Variants in HERC1 observed in about 807,000 individuals in gnomAD.
HERC1 encodes HECT and RLD domain containing E3 ubiquitin protein ligase family member 1, also known as probable E3 ubiquitin-protein ligase HERC1.
In HERC1, 160 loss-of-function variants were observed where a neutral mutation model predicts 554.3. That is an observed-to-expected ratio of 0.29 (90% CI 0.25 to 0.33). HERC1 has a LOEUF of 0.33. Among genes scored for constraint, HERC1 ranks in the 10% least tolerant of loss-of-function variants. The probability of loss-of-function intolerance (pLI) is 1.00; values close to 1 mark genes in which losing one functional copy is unlikely to be tolerated. For missense variants in HERC1, 4,919 were observed against 5,918.5 expected, an observed-to-expected ratio of 0.83 and a Z score of 5.54; for synonymous variants, 2,175 against 2,131.7, an observed-to-expected ratio of 1.02 and a Z score of -0.56.
chr15:63,681,694 T>C (rs1461638447), intron 34 of HERC1, among the ~76,000 whole-genome samples: 1 of 152,312 alleles, frequency 6.6e-6, no homozygotes, highest in Non-Finnish European at 1.5e-5. Context: ...TCTGGGAGTA[T>C]GAAATGTTGG....
chr15:63,828,063 G>T (rs2078002778), intron 1 of HERC1, among the ~76,000 whole-genome samples: 1 of 152,180 alleles, frequency 6.6e-6, no homozygotes, highest in African/African-American at 2.4e-5. Context: ...GCACCATCTT[G>T]TGAATATACT....
At chr15:63,609,602 C>T (rs1029118610) in intron 77 of HERC1, among the ~76,000 whole-genome samples, 1 of 152,208 alleles carries the variant, frequency 6.6e-6, no homozygotes, top group Non-Finnish European at 1.5e-5. Context: ...GGCACCTGTC[C>T]TTCATACCCA....
intron 32 of HERC1, 35 bp downstream of exon 32, chr15:63,690,506 G>A: frequency 7.1e-7 from 1 of 1,414,958 alleles, no homozygotes; most frequent in Non-Finnish European, 9.9e-7. Flanking sequence ...TTGCAAATAT[G>A]GAAAACATCT....
Position 63,624,308 on chromosome 15 carries a change from T to C in HERC1, c.13295A>G (p.Asn4432Ser), listed in dbSNP as rs200325012. ...PNNQNSTSHY[N>S]AGTWGIVQGQ... ...CTGTACAATGCCCCAAGTTCCAGCA[T>C]TATAATGGGATGTGCTGTTCTGTAA... Residue 4432 changes from asparagine (N) to serine (S), a missense_variant, in exon 72 of 78, where the codon AAT becomes AGT. By Grantham distance (46) the Asn-to-Ser change is conservative. This residue lies in a region of HERC1 where 410 missense variants were observed against 467.0 expected (regional missense o/e 0.88). Coordinates refer to ENST00000443617, the MANE Select transcript of HERC1 (RefSeq NM_003922.4). 42 of 1,610,640 alleles carry C rather than the reference T, an allele frequency of 2.6e-5. No homozygotes were observed. Among genetic ancestry groups the C allele is most frequent in the Non-Finnish European group, 3.5e-5 (41 of 1,177,760 alleles).
At chr15:63,651,424 CA>C (rs2069670379) in intron 52 of HERC1, 44 bp from the exon 53 acceptor site, 1 of 1,571,664 alleles carries the variant, frequency 6.4e-7, no homozygotes, top group Non-Finnish European at 8.6e-7. Flanking sequence ...CCCCATCATT[CA>C]AAAGTAAATT....
Position 63,613,613 on chromosome 15 carries a change from T to A in HERC1, c.14095-1057A>T, listed in dbSNP as rs529904907. 6.0e-4 allele frequency among the ~76,000 whole-genome samples: 91 copies of A among 152,166 alleles called. No homozygotes were observed. In the South Asian group the frequency reaches 0.018, roughly 31 times the overall value. On this transcript the variant is annotated intron_variant, in intron 76 of 77. Coordinates refer to ENST00000443617, the MANE Select transcript of HERC1 (RefSeq NM_003922.4). ...TATAATAACCTTTTTACTATCTATATGCATATCCTATATTATCGTGTTGTA... is the reference window on the plus strand; with the variant it reads ...TATAATAACCTTTTTACTATCTATAAGCATATCCTATATTATCGTGTTGTA...
chr15:63,688,512 G>A (rs1220463397), intron 33 of HERC1, among the ~76,000 whole-genome samples: 1 of 152,142 alleles, frequency 6.6e-6, no homozygotes, highest in Non-Finnish European at 1.5e-5. Context: ...GTCTGAATAA[G>A]GTTTCTTTGA....
rs1220817590 is a variant in HERC1 at position 63,651,365 on chromosome 15, C to T, written c.10434G>A (p.Glu3478=). The T allele has an allele frequency of 6.8e-6, 11 of 1,613,338 alleles. No homozygotes were observed. The highest frequency in any genetic ancestry group is 1.3e-5 in the African/African-American group (1 of 74,908). ...GATCACTGGGTGATCCCAGGCTTTC[C>T]TCAGCATCCCCTTCCCTAGAATATA... is the stretch of plus-strand genomic sequence containing the variant. ...CVFNRLEGDA[E]ESLGSPSDPS... is the part of the protein sequence containing the mutation. Residue 3478 remains glutamate, a synonymous_variant, in exon 53 of 78, where the codon GAG becomes GAA. Transcript: ENST00000443617.
intron 76 of HERC1, among the ~76,000 whole-genome samples, chr15:63,614,845 T>G (rs573065416): frequency 6.6e-5 from 10 of 152,220 alleles, no homozygotes; most frequent in Non-Finnish European, 1.3e-4. Context: ...CATTCTTCAT[T>G]CAATTTCTTG....
At chr15:63,617,976 G>T (rs1396229995) in intron 74 of HERC1, among the ~76,000 whole-genome samples, 1 of 152,048 alleles carries the variant, frequency 6.6e-6, no homozygotes, top group Non-Finnish European at 1.5e-5. Context: ...TCTGATGGTA[G>T]TTTCTTTTGC....
intron 34 of HERC1, among the ~76,000 whole-genome samples, chr15:63,683,943 T>G (rs568805387): frequency 6.6e-6 from 1 of 152,356 alleles, no homozygotes; most frequent in African/African-American, 2.4e-5. Flanking sequence ...TCAACCCAAG[T>G]GAGTTGTGCT....
chr15:63,773,112 G>A lies in HERC1; in HGVS notation c.930+1582C>T, dbSNP rs373088843. On this transcript the variant is annotated intron_variant, in intron 2 of 77. Coordinates refer to ENST00000443617, the MANE Select transcript of HERC1 (RefSeq NM_003922.4). ...TTAGTTATTTTAACTAAATAGATTT[G>A]TTGGTTGACATCTGGTAACAAAGGA... Among the ~76,000 whole-genome samples the A allele has an allele frequency of 1.4e-4, 21 of 152,200 alleles. No individual in the cohort carries two copies. In the South Asian group the frequency reaches 4.1e-3, roughly 30 times the overall value.
At chr15:63,689,784 A>G in intron 32 of HERC1, 85 bp from the exon 33 acceptor site, 2 of 707,684 alleles carry the variant, frequency 2.8e-6, no homozygotes, top group Non-Finnish European at 4.7e-6. Flanking sequence ...TAACTGTAAT[A>G]TTAACTCGCA....
At chr15:63,826,798 AAAAAAAAAAAAAAAAAATAT>A (rs1252009732) in intron 1 of HERC1, among the ~76,000 whole-genome samples, 7 of 48,114 alleles carry the variant, frequency 1.5e-4, no homozygotes, top group Admixed American at 4.5e-4. Context: ...AAAAAAAAAA[AAAAAAAAAAAAAAAAAATAT>A]ATATATATAT....
intron 51 of HERC1, among the ~76,000 whole-genome samples, chr15:63,653,555 T>C (rs558700771): frequency 2.2e-4 from 33 of 152,332 alleles, no homozygotes; most frequent in Non-Finnish European, 4.4e-4. Context: ...TCCTTCAGTA[T>C]CTGTGGGTGA....
Position 63,713,381 on chromosome 15 carries a change from C to T in HERC1, c.4435G>A (p.Ala1479Thr), listed in dbSNP as rs1292756196. ...GTCATAAGTCCACCCCCTTCAGAGG[C>T]ACTTGTTGAAGGTTGCTGCAACTGT... ...EGQLQQPSTS[A>T]SEGGGLMTRS... Residue 1479 changes from alanine to threonine, a missense_variant, in exon 23 of 78, where the codon GCC (alanine) becomes ACC (threonine). By Grantham distance (58) the Ala-to-Thr change is moderately conservative. Coordinates refer to ENST00000443617, the MANE Select transcript of HERC1 (RefSeq NM_003922.4). 6.2e-7 allele frequency: 1 copy of T among 1,613,830 alleles called. No individual in the cohort carries two copies.
At chr15:63,754,777 G>A in intron 6 of HERC1, 129 bp from the exon 7 acceptor site, 2 of 889,650 alleles carry the variant, frequency 2.2e-6, no homozygotes, top group Non-Finnish European at 3.4e-6. Context: ...AATGCAATAT[G>A]AAAAACACAA....
At chr15:63,681,291 T>C (rs183483511) in intron 34 of HERC1, among the ~76,000 whole-genome samples, 141 of 152,240 alleles carry the variant, frequency 9.3e-4, no homozygotes, top group Admixed American at 2.9e-3. Flanking sequence ...AGCGTCAAAT[T>C]CCTGGGCTCA....
intron 10 of HERC1, among the ~76,000 whole-genome samples, 159 bp from the exon 11 acceptor site, chr15:63,748,017 G>A (rs187931566): frequency 6.6e-6 from 1 of 152,134 alleles, no homozygotes. Context: ...CCTGAGGTGA[G>A]GAGTTCAAGA....
Sources: allele counts gnomAD v4.1 joint callset (sites outside exome capture counted in the v4.1 genomes callset), GRCh38; gene constraint gnomAD v4.1.1; regional missense constraint gnomAD v4.1.1; transcripts MANE v1.5; gene names NCBI Gene and HGNC (gene_info 2026-07-23, HGNC 2026-07-21).